Variants in KCNJ5 observed in about 807,000 individuals in gnomAD.
The protein encoded by KCNJ5 is G protein-activated inward rectifier potassium channel 4.
In KCNJ5, 12 loss-of-function variants were observed where a neutral mutation model predicts 20.2. That is an observed-to-expected ratio of 0.59 (90% CI 0.38 to 0.96). The LOEUF is 0.96. Ranked by LOEUF, KCNJ5 falls within the 40% of genes least tolerant of loss-of-function variation. The pLI is 0.00. For synonymous variants in KCNJ5, 210 were observed against 213.9 expected, an observed-to-expected ratio of 0.98 and a Z score of 0.16; for missense variants, 449 against 557.6, an observed-to-expected ratio of 0.81 and a Z score of 1.96.
At position 128,918,516 on chromosome 11, in the gene KCNJ5, A is replaced by C. The variant is rs1207078334; in HGVS notation, c.*1785A>C. 2 of 152,248 alleles carry C rather than the reference A, an allele frequency of 1.3e-5. No homozygotes were observed. Among genetic ancestry groups the C allele is most frequent in the Non-Finnish European group, 2.9e-5 (2 of 68,066 alleles). 9.4% of individuals were successfully genotyped at this position (152,248 alleles called of 1,614,324 possible). On this transcript the variant is annotated 3_prime_UTR_variant, in exon 3 of 3. Transcript: ENST00000529694. ...TAGAGTGCCAATGTTCCCAGGCCAC[A>C]GAATTATGGAGGCCTCACCCACAGT...
intron 1 of KCNJ5, among the ~76,000 whole-genome samples, chr11:128,908,904 T>G (rs932527955): frequency 6.6e-6 from 1 of 152,152 alleles, no homozygotes; most frequent in Middle Eastern, 3.2e-3. Context: ...CATCTGTGAT[T>G]GAGTTTTCAG....
At chr11:128,903,639 G>A (rs1192114355) in intron 1 of KCNJ5, 1 of 990,046 alleles carries the variant, frequency 1.0e-6, no homozygotes, top group Non-Finnish European at 1.5e-6. Context: ...GGCACTCTTG[G>A]TGATGATGCC....
intron 2 of KCNJ5, among the ~76,000 whole-genome samples, chr11:128,914,063 G>T (rs547661178): frequency 1.3e-5 from 2 of 152,220 alleles, no homozygotes; most frequent in Non-Finnish European, 2.9e-5. Context: ...GGGCAGCCCC[G>T]GGGCCGAGGA....
Position 128,904,719 on chromosome 11 carries a change from T to A in KCNJ5, c.-10-6545T>A, listed in dbSNP as rs1233598554. On this transcript the variant is annotated intron_variant, in intron 1 of 2. Coordinates refer to ENST00000529694, the MANE Select transcript of KCNJ5 (RefSeq NM_000890.5). ...CTCCTTCTATCCCCAGAGCTCAACA[T>A]AATTCAAACACCCAGTGGGTGTTGA... The A allele has an allele frequency of 7.8e-5, 46 of 592,784 alleles. No homozygotes were observed. The East Asian group carries it at 1.3e-3, about 17-fold the overall frequency. 36.7% of individuals were successfully genotyped at this position (592,784 alleles called of 1,614,324 possible). A position where few individuals can be genotyped will look rare whatever the true frequency, so the allele number is the denominator to read the frequency against.
chr11:128,906,896 C>T (rs575873052), intron 1 of KCNJ5, among the ~76,000 whole-genome samples: 138 of 152,196 alleles, frequency 9.1e-4, no homozygotes, highest in African/African-American at 3.1e-3. Flanking sequence ...GCAGGAATCA[C>T]GAGGGTGTGT....
At position 128,908,855 on chromosome 11, in the gene KCNJ5, C is replaced by T. The variant is rs572524313; in HGVS notation, c.-10-2409C>T. On this transcript the variant is annotated intron_variant, in intron 1 of 2. Coordinates refer to ENST00000529694, the MANE Select transcript of KCNJ5 (RefSeq NM_000890.5). ...CAACAGCTGGGGTGTCCAGAATACA[C>T]GGGGCCTCGGGACAGCAGCATTTTC... Among the ~76,000 whole-genome samples, 51 of 152,298 alleles carry T rather than the reference C, an allele frequency of 3.3e-4. 1 individual carries two copies. The highest frequency in any genetic ancestry group is 9.1e-4 in the African/African-American group (38 of 41,560).
In KCNJ5 at chr11:128,912,213, A is replaced by C. The variant is rs766793578; in HGVS notation, c.937+3A>C. The C allele has an allele frequency of 6.3e-7, 1 of 1,599,692 alleles. No individual in the cohort carries two copies. Among genetic ancestry groups the C allele is most frequent in the Non-Finnish European group, 8.5e-7 (1 of 1,179,136 alleles). ...AGAAGGGATGGTGGAAGCCACAGGT[A>C]AGGCGCTTTGTCCTCCTCAGCCACA... On this transcript the variant is annotated splice_donor_region_variant and intron_variant, in intron 2 of 2. Coordinates refer to ENST00000529694, the MANE Select transcript of KCNJ5 (RefSeq NM_000890.5).
In KCNJ5 at chr11:128,916,657, G is replaced by T. The variant is rs754816201; in HGVS notation, c.1186G>T (p.Ala396Ser). ...GGGCTGTGCTGAGGCAGGGCTGGAT[G>T]CAGAGGCTGAGCAGAATGAAGAAGA... ...LGGCAEAGLD[A>S]EAEQNEEDEP... Residue 396 changes from alanine to serine, a missense_variant, in exon 3 of 3, where the codon GCA becomes TCA. By Grantham distance (99) the Ala-to-Ser change is moderately conservative (BLOSUM62 1). This residue lies in a region of KCNJ5 where 64 missense variants were observed against 51.3 expected (regional missense o/e 1.25). Transcript: ENST00000529694. 6.2e-7 allele frequency: 1 copy of T among 1,613,116 alleles called. No individual in the cohort carries two copies. The highest frequency in any genetic ancestry group is 1.3e-5 in the African/African-American group (1 of 74,898).
chr11:128,908,477 C>T (rs139033189), intron 1 of KCNJ5, among the ~76,000 whole-genome samples: 1,946 of 152,278 alleles, frequency 0.013, 42 homozygotes, highest in African/African-American at 0.043. Flanking sequence ...ATGATTCCAG[C>T]GCACAGGAAT....
rs2604196 is a variant in KCNJ5 at position 128,919,003 on chromosome 11, A to G, written c.*2272A>G. 124,841 of 151,672 alleles carry G rather than the reference A, an allele frequency of 0.82. 51,474 individuals carry two copies. Among genetic ancestry groups the G allele is most frequent in the East Asian group, 0.9 (4,608 of 5,128 alleles). 9.4% of individuals were successfully genotyped at this position (151,672 alleles called of 1,614,324 possible). A position where few individuals can be genotyped will look rare whatever the true frequency, so the allele number is the denominator to read the frequency against. ...CCATCACTAAGGCTGGATGCCTTTC[A>G]GCAGAGCTACAGCTGGAGCCCTCCG... On this transcript the variant is annotated 3_prime_UTR_variant, in exon 3 of 3. Transcript: ENST00000529694.
At chr11:128,904,857 C>T (rs932986087) in intron 1 of KCNJ5, among the ~76,000 whole-genome samples, 2 of 152,186 alleles carry the variant, frequency 1.3e-5, no homozygotes, top group Admixed American at 6.5e-5. Flanking sequence ...AAAAAGCAAA[C>T]CCGTAAAACG....
rs1201658188 is a variant in KCNJ5 at position 128,917,668 on chromosome 11, C to A, written c.*937C>A. On this transcript the variant is annotated 3_prime_UTR_variant, in exon 3 of 3. Coordinates refer to ENST00000529694, the MANE Select transcript of KCNJ5 (RefSeq NM_000890.5). ...AATCTCAGCCAGCCTGCGGTGTGAC[C>A]TGGGGAGAAAGTTGAGTGTCAGGGG... The A allele has an allele frequency of 6.6e-6, 1 of 152,076 alleles. No homozygotes were observed. Among genetic ancestry groups the A allele is most frequent in the Non-Finnish European group, 1.5e-5 (1 of 68,174 alleles). The allele number at this position is 152,076 out of a possible 1,614,324, so 9.4% of individuals were successfully genotyped here.
At chr11:128,893,037 C>G (rs1266466637) in intron 1 of KCNJ5, among the ~76,000 whole-genome samples, 2 of 152,216 alleles carry the variant, frequency 1.3e-5, no homozygotes, top group African/African-American at 2.4e-5. Context: ...CACATCCCTG[C>G]TTTTCCTCAA....
intron 1 of KCNJ5, among the ~76,000 whole-genome samples, chr11:128,910,273 GT>G (rs1944476983): frequency 6.6e-6 from 1 of 152,158 alleles, no homozygotes; most frequent in Non-Finnish European, 1.5e-5. Flanking sequence ...TCTTGGAAGT[GT>G]GGTAGGCACC....
chr11:128,903,882 T>C (rs1163613090), intron 1 of KCNJ5, among the ~76,000 whole-genome samples: 1 of 150,904 alleles, frequency 6.6e-6, no homozygotes, highest in African/African-American at 2.5e-5. Flanking sequence ...AAATCATGAG[T>C]TCCTTCCCTG....
chr11:128,892,199 T>G (rs1944104687), intron 1 of KCNJ5, among the ~76,000 whole-genome samples: 1 of 152,256 alleles, frequency 6.6e-6, no homozygotes, highest in Non-Finnish European at 1.5e-5. Flanking sequence ...TTGTGATTTC[T>G]GCCCCCCTCG....
chr11:128,903,328 G>C (rs748222755), intron 1 of KCNJ5: 25 of 1,611,494 alleles, frequency 1.6e-5, no homozygotes, highest in Non-Finnish European at 2.0e-5. Context: ...TGTAGAGTGT[G>C]TCTGTGTTGG....
rs376717611 is a variant in KCNJ5, at chr11:128,895,160, C to T, written c.-11+3439C>T. Among the ~76,000 whole-genome samples the T allele has an allele frequency of 5.5e-4, 83 of 152,196 alleles. 1 individual carries two copies. In the East Asian group the frequency reaches 0.014, roughly 26 times the overall value. ...GCAAACTTGGAGTCTCATTCTCATC[C>T]CCTGTGACTTGGCGGTCCGGGGCTG... is the stretch of plus-strand genomic sequence containing the variant. On this transcript the variant is annotated intron_variant, in intron 1 of 2. Transcript: ENST00000529694.
Position 128,912,057 on chromosome 11 carries a change from G to A in KCNJ5, c.784G>A (p.Asp262Asn). The A allele has an allele frequency of 6.2e-7, 1 of 1,613,976 alleles. No individual in the cohort carries two copies. The highest frequency in any genetic ancestry group is 2.2e-5 in the East Asian group (1 of 44,870). The change falls in exon 2 of 3, where the codon GAC (aspartate) becomes AAC (asparagine). Residue 262 changes from aspartate (D) to asparagine (N), a missense_variant. Around this residue, in one of 5 missense-constraint regions of KCNJ5, gnomAD observed 145 missense variants for 166.2 expected, o/e 0.87. Transcript: ENST00000529694. ...LNQTDINVGF[D>N]TGDDRLFLVS... The stretch of plus-strand genomic sequence containing the variant: ...CCAGACAGACATCAACGTGGGCTTT[G>A]ACACGGGCGACGACCGCCTCTTCCT...
Sources: gnomAD v4.1 joint callset for allele counts (sites outside exome capture counted in the v4.1 genomes callset) on GRCh38, gnomAD v4.1.1 for gene constraint, gnomAD v4.1.1 regional missense constraint, MANE v1.5 for transcripts, NCBI Gene and HGNC (gene_info 2026-07-23, HGNC 2026-07-21) for gene names.